The following TIAM1 variants were observed in gnomAD, a reference collection of about 807,000 sequenced individuals.
The protein encoded by TIAM1 is TIAM Rac1 associated GEF 1.
In TIAM1, 65 loss-of-function variants were observed where a neutral mutation model predicts 163.5. That is an observed-to-expected ratio of 0.40 (90% CI 0.33 to 0.49). TIAM1 has a LOEUF of 0.49. Among genes scored for constraint, TIAM1 ranks in the 20% least tolerant of loss-of-function variants. TIAM1 has a pLI of 0.77. For synonymous variants in TIAM1, 833 were observed against 810.1 expected (o/e 1.03, Z -0.48); for missense variants, 1,789 against 2,044.7 (o/e 0.87, Z 2.41).
At position 31,336,708 on chromosome 21, in the gene TIAM1, T is replaced by A. The variant is rs2075851816; in HGVS notation, c.-189+2535A>T. ...GGGAGAGCTCAGAAGGGTAACATCA[T>A]CTGAGAAGGAACACTGGTTCCGAGG... On this transcript the variant is annotated intron_variant, in intron 2 of 27. Coordinates refer to ENST00000541036, the MANE Select transcript of TIAM1 (RefSeq NM_001353694.2). Among the ~76,000 whole-genome samples the A allele has an allele frequency of 1.3e-5, 2 of 151,922 alleles. 1 individual carries two copies. Among genetic ancestry groups the A allele is most frequent in the South Asian group, 4.2e-4 (2 of 4,818 alleles).
At chr21:31,337,926 G>A (rs2075897027) in intron 2 of TIAM1, among the ~76,000 whole-genome samples, 1 of 152,160 alleles carries the variant, frequency 6.6e-6, no homozygotes, top group Non-Finnish European at 1.5e-5. Context: ...GAAAGTGAGT[G>A]CTTTGGCTCC....
chr21:31,484,441 G>A (rs1042736424), intron 1 of TIAM1, among the ~76,000 whole-genome samples: 1 of 152,280 alleles, frequency 6.6e-6, no homozygotes, highest in African/African-American at 2.4e-5. Context: ...ACTGTGGGTG[G>A]CCTCCAAACC....
intron 16 of TIAM1, chr21:31,160,747 TC>T (rs2083875103): frequency 5.4e-6 from 2 of 372,514 alleles, no homozygotes; most frequent in African/African-American, 4.2e-5. Flanking sequence ...GGAGCTGCAC[TC>T]GCTTCCCACC....
At chr21:31,345,450 T>C (rs928069108), upstream of TIAM1, among the ~76,000 whole-genome samples, 3 of 149,938 alleles carry the variant, frequency 2.0e-5, no homozygotes, top group Non-Finnish European at 4.4e-5. Context: ...TATCCATATA[T>C]ATATTTTATA....
At position 31,223,421 on chromosome 21, in the gene TIAM1, T is replaced by C; in HGVS notation, c.1980A>G (p.Ser660=). 1 of 1,612,494 alleles carries C rather than the reference T, an allele frequency of 6.2e-7. No homozygotes were observed. Among genetic ancestry groups the C allele is most frequent in the African/African-American group, 1.3e-5 (1 of 74,982 alleles). ...TTCTACTCACCAGGGCATGAAACGA[T>C]GATACCGAAAAGATTCCAAGGCGGC... ...AMGRLGIFSV[S]SFHALVAART... The change falls in exon 8 of 28, where the codon TCA becomes TCG. Residue 660 remains serine (S), a synonymous_variant. Coordinates refer to ENST00000541036, the MANE Select transcript of TIAM1 (RefSeq NM_001353694.2).
intron 1 of TIAM1, among the ~76,000 whole-genome samples, chr21:31,339,848 A>G (rs1399484431): frequency 6.6e-6 from 1 of 152,190 alleles, no homozygotes; most frequent in African/African-American, 2.4e-5. Context: ...CCATGCTAAC[A>G]CTTGTTTTCA....
At chr21:31,251,084 A>G (rs1218870454) in intron 5 of TIAM1, among the ~76,000 whole-genome samples, 1 of 152,256 alleles carries the variant, frequency 6.6e-6, no homozygotes, top group Non-Finnish European at 1.5e-5. Flanking sequence ...GCAATTTCAT[A>G]GAATTCAAGC....
chr21:31,387,376 C>T (rs2076893264), intron 2 of TIAM1, among the ~76,000 whole-genome samples: 1 of 151,394 alleles, frequency 6.6e-6, no homozygotes, highest in Non-Finnish European at 1.5e-5. Context: ...GCACCCACTA[C>T]CACACCCGGC....
At chr21:31,131,449 T>G (rs1198166415) in intron 23 of TIAM1, among the ~76,000 whole-genome samples, 1 of 152,232 alleles carries the variant, frequency 6.6e-6, no homozygotes, top group Admixed American at 6.5e-5. Context: ...GAAATAGAAT[T>G]CAACTGTATG....
chr21:31,245,729 C>T (rs1047351382), intron 5 of TIAM1, 69 bp from the exon 6 acceptor site: 5 of 1,288,532 alleles, frequency 3.9e-6, no homozygotes, highest in African/African-American at 3.1e-5. Flanking sequence ...CACAGTTGAA[C>T]CTAACATGTG....
At chr21:31,337,776 C>T (rs1382002192) in intron 2 of TIAM1, among the ~76,000 whole-genome samples, 1 of 152,048 alleles carries the variant, frequency 6.6e-6, no homozygotes, top group Non-Finnish European at 1.5e-5. Flanking sequence ...GTAATCCGCC[C>T]ACCTCGGCCT....
rs538103567 is a variant in TIAM1, at chr21:31,359,134, A to G, written c.-368-19712T>C. Among the ~76,000 whole-genome samples the G allele has an allele frequency of 1.2e-4, 18 of 152,242 alleles. No individual in the cohort carries two copies. In the East Asian group the frequency reaches 2.9e-3, roughly 24 times the overall value. On this transcript the variant is annotated intron_variant, in intron 2 of 28. Transcript: ENST00000286827. ...CTAATCTACCCCGCTTACCTCCCAG[A>G]ACTGCCCACCCACCCAAAGCAGGTC...
intron 2 of TIAM1, among the ~76,000 whole-genome samples, chr21:31,368,925 T>TAA (rs2076544629): frequency 6.6e-6 from 1 of 151,996 alleles, no homozygotes; most frequent in Admixed American, 6.5e-5. Context: ...GACTCTTAAG[T>TAA]AAAGAGAAAA....
chr21:31,412,510 A>G (rs186401717), intron 2 of TIAM1, among the ~76,000 whole-genome samples: 13 of 152,172 alleles, frequency 8.5e-5, no homozygotes, highest in African/African-American at 3.1e-4. Context: ...AGCCAGGCAC[A>G]GTGGCTCACG....
At chr21:31,463,133 G>A (rs1384469914) in intron 2 of TIAM1, among the ~76,000 whole-genome samples, 2 of 152,116 alleles carry the variant, frequency 1.3e-5, no homozygotes, top group Non-Finnish European at 2.9e-5. Flanking sequence ...GCTCTACCAG[G>A]GAGTGACCTT....
intron 2 of TIAM1, among the ~76,000 whole-genome samples, chr21:31,317,177 G>A (rs531140230): frequency 4.6e-5 from 7 of 152,268 alleles, no homozygotes; most frequent in South Asian, 2.1e-4. Flanking sequence ...CTGCTTGGCC[G>A]GGCATGGTGG....
At chr21:31,519,134 C>T (rs565043082) in intron 1 of TIAM1, among the ~76,000 whole-genome samples, 9 of 151,912 alleles carry the variant, frequency 5.9e-5, no homozygotes, top group Non-Finnish European at 8.8e-5. Context: ...GGAGAAACCC[C>T]GTCTCTACTA....
Position 31,325,682 on chromosome 21 carries a change from A to AAAG in TIAM1, c.-189+13560_-189+13561insCTT, listed in dbSNP as rs1491090876. Among the ~76,000 whole-genome samples, 465 of 151,854 alleles carry AAAG rather than the reference A, an allele frequency of 3.1e-3. 1 individual carries two copies. The highest frequency in any genetic ancestry group is 0.01 in the African/African-American group (431 of 41,396). ...GACTCTGACTCAAAAAAAAAAAAAA[A>AAAG]GAATGTATACAGAAGAAGGTTCATC... On this transcript the variant is annotated intron_variant, in intron 2 of 27. Transcript: ENST00000541036.
chr21:31,123,888 A>G (rs757931046), intron 27 of TIAM1: 4 of 152,226 alleles, frequency 2.6e-5, no homozygotes, highest in Non-Finnish European at 5.9e-5. Flanking sequence ...ATTAAGTCCT[A>G]CAAGAATATT....
Sources: allele counts gnomAD v4.1 joint callset (sites outside exome capture counted in the v4.1 genomes callset), GRCh38; gene constraint gnomAD v4.1.1; transcripts MANE v1.5; gene names NCBI Gene and HGNC (gene_info 2026-07-23, HGNC 2026-07-21).